PCDH15: variants seen among roughly 807,000 people sequenced by gnomAD.
PCDH15 encodes the protein protocadherin related 15.
A neutral mutation model predicts 178.5 loss-of-function variants in PCDH15; 129 were observed. The ratio of observed to expected loss-of-function variants is 0.72; its 90% confidence interval spans 0.63 to 0.84. The LOEUF (loss-of-function observed/expected upper bound fraction) is 0.84. PCDH15 is among the 40% of genes least tolerant of loss of function. The pLI, the probability that PCDH15 is intolerant of heterozygous loss-of-function variation, is 0.00. For synonymous variants in PCDH15, 800 were observed against 732.0 expected (o/e 1.09, Z -1.50); for missense variants, 2,230 against 2,099.9 (o/e 1.06, Z -1.21).
At chr10:55,099,832 T>C (rs1842534767) in intron 2 of PCDH15, among the ~76,000 whole-genome samples, 1 of 152,132 alleles carries the variant, frequency 6.6e-6, no homozygotes, top group South Asian at 2.1e-4. Context: ...TTATCAGCTT[T>C]CTTCATTACT....
chr10:55,544,135 C>CATATATATATAT (rs776630410), intron 2 of PCDH15, among the ~76,000 whole-genome samples: 29 of 96,192 alleles, frequency 3.0e-4, no homozygotes, highest in East Asian at 8.2e-4. Flanking sequence ...AAATCTTATA[C>CATATATATATAT]ATACATATAT....
intron 31 of PCDH15, among the ~76,000 whole-genome samples, chr10:53,827,984 C>G (rs556555840): frequency 1.3e-5 from 2 of 151,762 alleles, no homozygotes; most frequent in African/African-American, 2.4e-5. Context: ...GACGTTATTT[C>G]ACAGAGGCTG....
intron 20 of PCDH15, among the ~76,000 whole-genome samples, chr10:53,998,011 A>G (rs971583676): frequency 6.6e-6 from 1 of 152,204 alleles, no homozygotes; most frequent in African/African-American, 2.4e-5. Context: ...CATAATCAAT[A>G]GTTCACTGTA....
At chr10:54,234,919 C>A (rs1438648616) in intron 9 of PCDH15, among the ~76,000 whole-genome samples, 1 of 152,122 alleles carries the variant, frequency 6.6e-6, no homozygotes, top group East Asian at 1.9e-4. Flanking sequence ...AAATAACATA[C>A]AAGGCTCTCT....
intron 2 of PCDH15, among the ~76,000 whole-genome samples, chr10:55,402,744 C>A (rs1441262577): frequency 6.6e-6 from 1 of 151,870 alleles, no homozygotes; most frequent in Admixed American, 6.6e-5. Flanking sequence ...TTAGGTTGAT[C>A]CCTGATACTG....
intron 3 of PCDH15, among the ~76,000 whole-genome samples, chr10:54,486,585 C>CCTTTCTTTTCTTT (rs1036341215): frequency 6.6e-6 from 1 of 151,628 alleles, no homozygotes; most frequent in African/African-American, 2.4e-5. Flanking sequence ...TTCCTTCCTT[C>CCTTTCTTTTCTTT]CTTTCTTTTC....
chr10:54,771,696 T>A (rs1237724044), intron 1 of PCDH15, among the ~76,000 whole-genome samples: 1 of 152,114 alleles, frequency 6.6e-6, no homozygotes, highest in African/African-American at 2.4e-5. Flanking sequence ...TTTTAATAAG[T>A]ACAAATTACA....
intron 2 of PCDH15, among the ~76,000 whole-genome samples, chr10:55,619,615 AATG>A (rs1843547900): frequency 6.6e-6 from 1 of 152,176 alleles, no homozygotes; most frequent in Admixed American, 6.5e-5. Context: ...TTAGTTAATA[AATG>A]TAATGTACTT....
intron 2 of PCDH15, among the ~76,000 whole-genome samples, chr10:54,941,845 A>T (rs546126421): frequency 6.6e-6 from 1 of 151,974 alleles, no homozygotes. Flanking sequence ...TCTAATATTG[A>T]TCTTCAAATG....
chr10:54,908,834 A>G (rs1227254214), intron 2 of PCDH15, among the ~76,000 whole-genome samples: 1 of 150,896 alleles, frequency 6.6e-6, no homozygotes. Context: ...TAGGCAGGTC[A>G]TCCCAATATG....
chr10:55,556,212 A>T (rs537028680), intron 2 of PCDH15, among the ~76,000 whole-genome samples: 5 of 152,246 alleles, frequency 3.3e-5, no homozygotes, highest in African/African-American at 1.2e-4. Context: ...AGTGGTGAAC[A>T]CTTAGGCTTT....
chr10:54,116,323 A>G (rs1299851663), intron 15 of PCDH15, among the ~76,000 whole-genome samples: 3 of 152,038 alleles, frequency 2.0e-5, no homozygotes, highest in Non-Finnish European at 4.4e-5. Flanking sequence ...CCTGGAAAGG[A>G]GAATAACCAC....
intron 3 of PCDH15, among the ~76,000 whole-genome samples, chr10:54,818,361 G>C (rs1210950979): frequency 1.3e-5 from 2 of 152,042 alleles, no homozygotes; most frequent in Non-Finnish European, 2.9e-5. Context: ...CACATCCGTA[G>C]TCCCCCTCAC....
intron 2 of PCDH15, among the ~76,000 whole-genome samples, chr10:55,343,819 C>T (rs918041363): frequency 6.6e-6 from 1 of 152,076 alleles, no homozygotes; most frequent in Admixed American, 6.6e-5. Context: ...ACGTGCCAGG[C>T]ATGTTCTATG....
chr10:55,431,285 G>A (rs1838874769), intron 2 of PCDH15, among the ~76,000 whole-genome samples: 2 of 152,154 alleles, frequency 1.3e-5, no homozygotes, highest in African/African-American at 2.4e-5. Context: ...TCTTCTCACT[G>A]TTGCCTTTAA....
intron 2 of PCDH15, among the ~76,000 whole-genome samples, chr10:55,391,606 C>T (rs2132014142): frequency 6.6e-6 from 1 of 152,124 alleles, no homozygotes; most frequent in African/African-American, 2.4e-5. Flanking sequence ...CTTGCCTCAG[C>T]CTCCTGAGTA....
chr10:54,403,545 C>G (rs945169980), intron 3 of PCDH15, among the ~76,000 whole-genome samples: 3 of 151,900 alleles, frequency 2.0e-5, no homozygotes, highest in African/African-American at 7.3e-5. Flanking sequence ...GACAAAGATA[C>G]CCCCTATCAC....
At chr10:54,698,856 T>C (rs1375395502) in intron 1 of PCDH15, among the ~76,000 whole-genome samples, 1 of 152,108 alleles carries the variant, frequency 6.6e-6, no homozygotes, top group African/African-American at 2.4e-5. Flanking sequence ...TTTTAACTAT[T>C]GCCAGTGTCA....
chr10:54,703,369 T>C (rs541630029), intron 1 of PCDH15, among the ~76,000 whole-genome samples: 5 of 151,790 alleles, frequency 3.3e-5, no homozygotes, highest in Admixed American at 2.6e-4. Context: ...GTACTTCAAG[T>C]CCTAGCCAGA....
Sources: gnomAD v4.1 joint callset for allele counts (sites outside exome capture counted in the v4.1 genomes callset) on GRCh38, gnomAD v4.1.1 for gene constraint, MANE v1.5 for transcripts, NCBI Gene and HGNC (gene_info 2026-07-23, HGNC 2026-07-21) for gene names.